Variants in DDX46 observed in about 807,000 individuals in gnomAD.
The protein encoded by DDX46 is DEAD-box helicase 46.
In DDX46, 30 loss-of-function variants were observed where a neutral mutation model predicts 134.9. That is an observed-to-expected ratio of 0.22 (90% CI 0.17 to 0.30). The LOEUF (loss-of-function observed/expected upper bound fraction) is 0.30. Ranked by LOEUF, DDX46 falls within the 10% of genes least tolerant of loss-of-function variation. The pLI, the probability that DDX46 is intolerant of heterozygous loss-of-function variation, is 1.00. For synonymous variants in DDX46, 415 were observed against 404.1 expected, an observed-to-expected ratio of 1.03 and a Z score of -0.32; for missense variants, 622 against 1,248.7, an observed-to-expected ratio of 0.50 and a Z score of 7.56.
At chr5:134,827,270 T>C (rs950052206) in intron 22 of DDX46, among the ~76,000 whole-genome samples, 1 of 151,838 alleles carries the variant, frequency 6.6e-6, no homozygotes, top group Non-Finnish European at 1.5e-5. Context: ...ATTTTTTTTC[T>C]TTTCTTTTCT....
At chr5:134,780,807 A>T (rs1754128558) in intron 6 of DDX46, 1 of 156,658 alleles carries the variant, frequency 6.4e-6, no homozygotes. Flanking sequence ...AGGCTGGTGG[A>T]TCACTGGAGC....
intron 8 of DDX46, 107 bp from the exon 9 acceptor site, chr5:134,782,838 G>T: frequency 7.2e-7 from 1 of 1,397,376 alleles, no homozygotes; most frequent in East Asian, 2.5e-5. Flanking sequence ...GTGAGCCGCT[G>T]GGTCTGGCAT....
chr5:134,801,970 C>A (rs1014741260), intron 15 of DDX46, among the ~76,000 whole-genome samples: 2 of 152,030 alleles, frequency 1.3e-5, no homozygotes, highest in African/African-American at 4.8e-5. Flanking sequence ...CATTTAACTT[C>A]TAGAATCTGT....
intron 11 of DDX46, among the ~76,000 whole-genome samples, chr5:134,786,810 A>C (rs993703221): frequency 7.9e-5 from 12 of 152,038 alleles, no homozygotes; most frequent in African/African-American, 2.4e-4. Context: ...ACGCCACTGC[A>C]CTCCAGCCTG....
At chr5:134,779,873 C>T (rs1297161278) in intron 6 of DDX46, among the ~76,000 whole-genome samples, 4 of 152,194 alleles carry the variant, frequency 2.6e-5, no homozygotes, top group South Asian at 4.1e-4. Flanking sequence ...CCGAGGCAGA[C>T]GGATCACCTG....
Position 134,825,274 on chromosome 5 carries a change from G to C in DDX46, c.2978-1673G>C, listed in dbSNP as rs372170707. 5.5e-4 allele frequency among the ~76,000 whole-genome samples: 84 copies of C among 152,164 alleles called. 1 individual carries two copies. Among genetic ancestry groups the C allele is most frequent in the Non-Finnish European group, 1.0e-3 (71 of 68,012 alleles). ...TTGTTGTAATTTTCAGTTTGACTTC[G>C]GTCTTGATTCTTCTTTTTCTCTTCC... On this transcript the variant is annotated intron_variant, in intron 21 of 22. Coordinates refer to ENST00000452510, the MANE Select transcript of DDX46 (RefSeq NM_001300860.2).
At chr5:134,799,467 G>A (rs1300852844) in intron 15 of DDX46, among the ~76,000 whole-genome samples, 14 of 151,574 alleles carry the variant, frequency 9.2e-5, no homozygotes, top group African/African-American at 7.3e-5. Context: ...GCTGGGTGCC[G>A]TGGCTCACGC....
At chr5:134,789,212 A>C (rs922693521) in intron 12 of DDX46, 1 of 152,214 alleles carries the variant, frequency 6.6e-6, no homozygotes, top group African/African-American at 2.4e-5. Context: ...TTCTGTGGAG[A>C]AAGGCCCTTC....
intron 21 of DDX46, among the ~76,000 whole-genome samples, chr5:134,824,147 T>C (rs191323406): frequency 2.5e-4 from 38 of 152,332 alleles, no homozygotes; most frequent in Non-Finnish European, 4.9e-4. Flanking sequence ...AGCTCCGATG[T>C]AGTTTTCCTT....
At chr5:134,801,687 C>T (rs1045281115) in intron 15 of DDX46, among the ~76,000 whole-genome samples, 3 of 152,154 alleles carry the variant, frequency 2.0e-5, no homozygotes, top group Admixed American at 6.5e-5. Flanking sequence ...GCCTGAGCCA[C>T]GGTGCCTGGC....
chr5:134,820,397 C>CT (rs1175443991), intron 21 of DDX46, among the ~76,000 whole-genome samples: 2 of 151,976 alleles, frequency 1.3e-5, no homozygotes, highest in South Asian at 2.1e-4. Flanking sequence ...GTTTAGCACT[C>CT]TATCGCCCAG....
intron 1 of DDX46, among the ~76,000 whole-genome samples, chr5:134,761,769 G>A (rs201880479): frequency 4.6e-5 from 7 of 152,018 alleles, no homozygotes; most frequent in East Asian, 1.9e-4. Context: ...AAATCCCATC[G>A]GTGCTAGCTT....
intron 12 of DDX46, chr5:134,790,255 G>T: frequency 6.3e-6 from 4 of 639,350 alleles, no homozygotes; most frequent in South Asian, 4.6e-5. Context: ...AAAATAAAGG[G>T]CCTCATATAC....
At chr5:134,786,823 A>C (rs761690274) in intron 11 of DDX46, among the ~76,000 whole-genome samples, 3 of 152,072 alleles carry the variant, frequency 2.0e-5, no homozygotes, top group Non-Finnish European at 4.4e-5. Flanking sequence ...CCAGCCTGGG[A>C]GACAGAGCAA....
At chr5:134,815,082 A>G (rs1486578796) in intron 18 of DDX46, among the ~76,000 whole-genome samples, 2 of 152,220 alleles carry the variant, frequency 1.3e-5, no homozygotes, top group East Asian at 1.9e-4. Context: ...CCCCATCTCT[A>G]TAAAAAGGTT....
intron 15 of DDX46, among the ~76,000 whole-genome samples, chr5:134,805,559 A>T (rs1254635629): frequency 1.6e-5 from 2 of 128,736 alleles, no homozygotes; most frequent in African/African-American, 3.0e-5. Context: ...ACAGAGTTTT[A>T]CTCTTGTTAT....
chr5:134,770,413 T>G (rs577103487), intron 3 of DDX46, among the ~76,000 whole-genome samples: 138 of 152,184 alleles, frequency 9.1e-4, no homozygotes, highest in African/African-American at 3.2e-3. Flanking sequence ...GATCTTGTTA[T>G]GTTCCCCTGG....
chr5:134,792,378 A>G (rs1754529618), intron 13 of DDX46, among the ~76,000 whole-genome samples: 1 of 152,084 alleles, frequency 6.6e-6, no homozygotes, highest in African/African-American at 2.4e-5. Context: ...GACTGAATAA[A>G]CATTATTTGG....
intron 15 of DDX46, among the ~76,000 whole-genome samples, chr5:134,801,444 G>A (rs1006492630): frequency 3.3e-5 from 5 of 152,016 alleles, no homozygotes; most frequent in African/African-American, 1.2e-4. Flanking sequence ...CCAGGCTGGA[G>A]TACAGTGGCA....
Sources: allele counts gnomAD v4.1 joint callset (sites outside exome capture counted in the v4.1 genomes callset), GRCh38; gene constraint gnomAD v4.1.1; transcripts MANE v1.5; gene names NCBI Gene and HGNC (gene_info 2026-07-23, HGNC 2026-07-21).